The following SYNE1 variants were observed in gnomAD, a reference collection of about 807,000 sequenced individuals.
The protein encoded by SYNE1 is nesprin-1.
SYNE1 carries 616 observed loss-of-function variants against 1,111.0 expected under a neutral mutation model. The ratio of observed to expected loss-of-function variants is 0.55; its 90% CI spans 0.52 to 0.59. The LOEUF (loss-of-function observed/expected upper bound fraction) is 0.59. Among genes scored for constraint, SYNE1 ranks in the 20% least tolerant of loss-of-function variants. SYNE1 has a pLI of 0.00. For missense variants in SYNE1, 10,006 were observed against 10,417.0 expected (o/e 0.96, Z 1.72); for synonymous variants, 3,855 against 3,825.8 (o/e 1.01, Z -0.28).
At chr6:152,356,713 A>G (rs1330015897) in intron 66 of SYNE1, among the ~76,000 whole-genome samples, 2 of 152,104 alleles carry the variant, frequency 1.3e-5, no homozygotes, top group Non-Finnish European at 2.9e-5. Flanking sequence ...CAGCATCACA[A>G]TTCTCCACCA....
At chr6:152,123,746 A>G (rs2052302470) in intron 145 of SYNE1, among the ~76,000 whole-genome samples, 1 of 152,242 alleles carries the variant, frequency 6.6e-6, no homozygotes, top group African/African-American at 2.4e-5. Flanking sequence ...ACTAGTATAA[A>G]TTCCTTAAGA....
chr6:152,608,467 T>C (rs907166076), intron 3 of SYNE1, among the ~76,000 whole-genome samples: 2 of 152,198 alleles, frequency 1.3e-5, no homozygotes, highest in African/African-American at 4.8e-5. Context: ...AGAAGAGAGC[T>C]AAAAAGGCCA....
intron 107 of SYNE1, among the ~76,000 whole-genome samples, chr6:152,240,409 C>A (rs2085329540): frequency 6.6e-6 from 1 of 152,194 alleles, no homozygotes; most frequent in African/African-American, 2.4e-5. Context: ...TGTTGTCAAG[C>A]ACAGCTTTAT....
At position 152,321,929 on chromosome 6, in the gene SYNE1, G is replaced by A. The variant is rs774160899; in HGVS notation, c.15918-43C>T. 16 of 1,610,834 alleles carry A rather than the reference G, an allele frequency of 9.9e-6. No homozygotes were observed. The South Asian group carries it at 1.1e-4, about 11-fold the overall frequency. On this transcript the variant is annotated intron_variant, in intron 82 of 145. Transcript: ENST00000367255. ...GGATAAAACAGAAGTGAAGTGAAAG[G>A]AACCCCCTAATACTTGGCAACATTT...
At chr6:152,189,161 G>A (rs939813588) in intron 128 of SYNE1, 91 bp downstream of exon 128, 9 of 1,347,824 alleles carry the variant, frequency 6.7e-6, no homozygotes, top group African/African-American at 2.9e-5. Flanking sequence ...ATTATGGGCC[G>A]GGTCCACATG....
chr6:152,450,394 G>A (rs1208064146), intron 27 of SYNE1, among the ~76,000 whole-genome samples: 1 of 152,178 alleles, frequency 6.6e-6, no homozygotes, highest in Non-Finnish European at 1.5e-5. Context: ...GGATATTGGG[G>A]AGAAAGGGAT....
chr6:152,313,399 C>A (rs552175385), intron 87 of SYNE1, among the ~76,000 whole-genome samples: 1 of 152,028 alleles, frequency 6.6e-6, no homozygotes, highest in East Asian at 1.9e-4. Context: ...CCTATTCAGG[C>A]CCCTACGAAG....
intron 89 of SYNE1, 133 bp downstream of exon 89, chr6:152,310,263 G>GATACC (rs1324824123): frequency 7.4e-7 from 1 of 1,353,206 alleles, no homozygotes; most frequent in African/African-American, 1.5e-5. Context: ...CCAACATAGG[G>GATACC]ATACCCTGTC....
At chr6:152,221,286 C>T (rs998958613) in intron 118 of SYNE1, 140 bp downstream of exon 118, 4 of 1,215,468 alleles carry the variant, frequency 3.3e-6, no homozygotes, top group African/African-American at 1.5e-5. Flanking sequence ...TTTATTTATC[C>T]TTAAATTCAT....
At position 152,505,352 on chromosome 6, in the gene SYNE1, G is replaced by A. The variant is rs778130790; in HGVS notation, c.627C>T (p.Ser209=). 1.2e-5 allele frequency: 19 copies of A among 1,613,864 alleles called. 1 individual carries two copies. The highest frequency in any genetic ancestry group is 9.9e-5 in the South Asian group (9 of 91,082). Reference sequence around the variant, plus strand: ...GAATAACTGAATGAAAGGCAACCCCGCTTCTCCAACTCTTCCCAAAATCTT... The same window carrying A: ...GAATAACTGAATGAAAGGCAACCCCACTTCTCCAACTCTTCCCAAAATCTT... The part of the protein sequence containing the change: ...EVKDFGKSWR[S]GVAFHSVIHA... Residue 209 remains serine (S), a synonymous_variant, in exon 9 of 146, where the codon AGC becomes AGT. Transcript: ENST00000367255.
At chr6:152,427,912 T>G in intron 37 of SYNE1, 96 bp from the exon 38 acceptor site, 1 of 1,538,118 alleles carries the variant, frequency 6.5e-7, no homozygotes, top group African/African-American at 1.4e-5. Context: ...CAAACCATAG[T>G]AAATACAGCC....
At chr6:152,222,583 A>C (rs184545042) in intron 117 of SYNE1, among the ~76,000 whole-genome samples, 2 of 152,344 alleles carry the variant, frequency 1.3e-5, no homozygotes, top group Admixed American at 1.3e-4. Flanking sequence ...AGGGTACTAT[A>C]TGATGTTTTG....
At chr6:152,250,939 C>T (rs1349419688) in intron 104 of SYNE1, among the ~76,000 whole-genome samples, 1 of 151,926 alleles carries the variant, frequency 6.6e-6, no homozygotes, top group Non-Finnish European at 1.5e-5. Flanking sequence ...TCCTGTATGC[C>T]AGTTTTATGC....
At chr6:152,609,707 A>G (rs886270088) in intron 3 of SYNE1, among the ~76,000 whole-genome samples, 2 of 152,184 alleles carry the variant, frequency 1.3e-5, no homozygotes, top group Admixed American at 6.5e-5. Context: ...TAACTGGGAT[A>G]CACCTCCCAG....
intron 138 of SYNE1, among the ~76,000 whole-genome samples, chr6:152,143,287 C>A (rs942878575): frequency 1.3e-5 from 2 of 152,194 alleles, no homozygotes; most frequent in Non-Finnish European, 2.9e-5. Context: ...CCAAGGATAA[C>A]CTTGGTCCAA....
At chr6:152,232,007 G>A in intron 113 of SYNE1, 109 bp downstream of exon 113, 1 of 826,258 alleles carries the variant, frequency 1.2e-6, no homozygotes. Flanking sequence ...TGGTCACTGT[G>A]TAGGAAACAT....
At chr6:152,423,891 T>C (rs1414706728) in intron 39 of SYNE1, among the ~76,000 whole-genome samples, 3 of 152,232 alleles carry the variant, frequency 2.0e-5, no homozygotes, top group South Asian at 2.1e-4. Context: ...GATCTTAATC[T>C]GATGTCATCT....
chr6:152,262,161 C>A lies in SYNE1; in HGVS notation c.18843G>T (p.Glu6281Asp), dbSNP rs1354741088. 1 of 1,613,880 alleles carries A rather than the reference C, an allele frequency of 6.2e-7. No individual in the cohort carries two copies. Among genetic ancestry groups the A allele is most frequent in the Admixed American group, 1.7e-5 (1 of 60,006 alleles). Residue 6281 changes from glutamate (E) to aspartate (D), a missense_variant, in exon 101 of 146, where the codon GAG becomes GAT. This residue lies in a region of SYNE1 where 2,182 missense variants were observed against 2,287.8 expected (regional missense o/e 0.95). Coordinates refer to ENST00000367255, the MANE Select transcript of SYNE1 (RefSeq NM_182961.4). Reference sequence around the variant, plus strand: ...ATGATTTCTCCCCTTCCATCCCCAACTCCTGGGATAACACATCAGGTTTTT... The same window carrying A: ...ATGATTTCTCCCCTTCCATCCCCAAATCCTGGGATAACACATCAGGTTTTT... ...AGEKPDVLSQ[E>D]LGMEGEKSSA...
At chr6:152,355,182 C>G (rs2096814116) in intron 66 of SYNE1, among the ~76,000 whole-genome samples, 1 of 152,096 alleles carries the variant, frequency 6.6e-6, no homozygotes, top group African/African-American at 2.4e-5. Context: ...TTAAAATAAT[C>G]AACATACACA....
Sources: gnomAD v4.1 joint callset for allele counts (sites outside exome capture counted in the v4.1 genomes callset) on GRCh38, gnomAD v4.1.1 for gene constraint, gnomAD v4.1.1 regional missense constraint, MANE v1.5 for transcripts, NCBI Gene and HGNC (gene_info 2026-07-23, HGNC 2026-07-21) for gene names.